Variants in TOMM70 observed in about 807,000 individuals in gnomAD.
The protein encoded by TOMM70 is mitochondrial import receptor subunit TOM70.
TOMM70 carries 13 observed loss-of-function variants against 73.6 expected under a neutral mutation model. The observed-to-expected ratio is 0.18, with a 90% CI of 0.11 to 0.28. TOMM70 has a LOEUF of 0.28. Among genes scored for constraint, TOMM70 ranks in the 10% least tolerant of loss-of-function variants. The probability of loss-of-function intolerance (pLI) is 1.00; values close to 1 mark genes in which losing one functional copy is unlikely to be tolerated. For missense variants in TOMM70, 609 were observed against 747.5 expected, an observed-to-expected ratio of 0.81 and a Z score of 2.16; for synonymous variants, 257 against 271.2, an observed-to-expected ratio of 0.95 and a Z score of 0.51.
chr3:100,378,232 G>A (rs1706588458), intron 5 of TOMM70, among the ~76,000 whole-genome samples: 1 of 151,176 alleles, frequency 6.6e-6, no homozygotes. Context: ...GACAGAGCAA[G>A]ACTCCATCTC....
At chr3:100,366,064 G>T (rs1033944672) in intron 11 of TOMM70, among the ~76,000 whole-genome samples, 5 of 152,140 alleles carry the variant, frequency 3.3e-5, no homozygotes. Context: ...TCACAATTCC[G>T]TCTGGTTCCT....
chr3:100,381,570 G>A lies in TOMM70; in HGVS notation c.884+45C>T, dbSNP rs770187623. 1.7e-5 allele frequency: 26 copies of A among 1,571,732 alleles called. 2 individuals carry two copies. In the South Asian group the frequency reaches 2.9e-4, roughly 17 times the overall value. ...ATATGGGCCCTAAGGAAAGTTCAAA[G>A]CACCCAAAACACCACTAAGTAGACA... On this transcript the variant is annotated intron_variant, in intron 5 of 11. Transcript: ENST00000284320.
chr3:100,365,556 C>A lies in TOMM70; in HGVS notation c.*8G>T. Reference sequence around the variant, plus strand: ...TTAAAAAGAGGGTCAGTCTGCTTTCCCCCTGTTTTATAATGTTGGTGGTTT... The same window carrying A: ...TTAAAAAGAGGGTCAGTCTGCTTTCACCCTGTTTTATAATGTTGGTGGTTT... On this transcript the variant is annotated 3_prime_UTR_variant, in exon 12 of 12. Coordinates refer to ENST00000284320, the MANE Select transcript of TOMM70 (RefSeq NM_014820.5). 1 of 1,614,066 alleles carries A rather than the reference C, an allele frequency of 6.2e-7. No individual in the cohort carries two copies. The highest frequency in any genetic ancestry group is 8.5e-7 in the Non-Finnish European group (1 of 1,179,964).
At chr3:100,393,101 G>A (rs769220202) in intron 1 of TOMM70, among the ~76,000 whole-genome samples, 5 of 151,626 alleles carry the variant, frequency 3.3e-5, no homozygotes, top group Non-Finnish European at 7.4e-5. Flanking sequence ...GCTTGAACCC[G>A]GGCAGCAGAG....
chr3:100,373,850 A>T, intron 7 of TOMM70: 1 of 416,818 alleles, frequency 2.4e-6, no homozygotes, highest in Non-Finnish European at 4.3e-6. Flanking sequence ...CAACTTATAG[A>T]AAGGACTACA....
intron 11 of TOMM70, among the ~76,000 whole-genome samples, chr3:100,367,431 T>C (rs1706457688): frequency 6.6e-6 from 1 of 152,184 alleles, no homozygotes; most frequent in South Asian, 2.1e-4. Flanking sequence ...ATCAGTGATA[T>C]ATGAGCTCAA....
chr3:100,387,343 T>C (rs1484052906), intron 1 of TOMM70, among the ~76,000 whole-genome samples: 1 of 151,866 alleles, frequency 6.6e-6, no homozygotes, highest in Non-Finnish European at 1.5e-5. Context: ...ACTACCCGGG[T>C]GGCTGAGGCA....
At position 100,372,727 on chromosome 3, in the gene TOMM70, A is replaced by G; in HGVS notation, c.1336-5T>C. ...TCCCGTATATGCCTGGCGGTACTAT[A>G]AAAAATCAAAACAGGCCTGTCAAAT... On this transcript the variant is annotated splice_region_variant and splice_polypyrimidine_tract_variant and intron_variant, in intron 8 of 11. Coordinates refer to ENST00000284320, the MANE Select transcript of TOMM70 (RefSeq NM_014820.5). 1 of 1,609,956 alleles carries G rather than the reference A, an allele frequency of 6.2e-7. No individual in the cohort carries two copies.
At chr3:100,382,921 T>C (rs1706647345) in intron 4 of TOMM70, among the ~76,000 whole-genome samples, 1 of 152,182 alleles carries the variant, frequency 6.6e-6, no homozygotes. Flanking sequence ...ATAGAAATAT[T>C]TGCCTTATTT....
At chr3:100,399,896 A>C (rs1431715504) in intron 1 of TOMM70, among the ~76,000 whole-genome samples, 1 of 152,054 alleles carries the variant, frequency 6.6e-6, no homozygotes, top group Non-Finnish European at 1.5e-5. Context: ...AGGGGTCCGG[A>C]GTGCAAAAGG....
chr3:100,388,777 G>A (rs1374975706), intron 1 of TOMM70, among the ~76,000 whole-genome samples: 1 of 152,056 alleles, frequency 6.6e-6, no homozygotes, highest in Non-Finnish European at 1.5e-5. Flanking sequence ...ATTAAAAGAG[G>A]TTGCTTTTAA....
At chr3:100,373,737 C>T in intron 7 of TOMM70, 92 bp from the exon 8 acceptor site, 1 of 761,762 alleles carries the variant, frequency 1.3e-6, no homozygotes, top group Non-Finnish European at 2.1e-6. Flanking sequence ...CAGCATAATG[C>T]TGAGCATGTA....
In TOMM70 at chr3:100,384,578, A is replaced by G. The variant is rs1424783490; in HGVS notation, c.636T>C (p.Ala212=). 2.5e-6 allele frequency: 4 copies of G among 1,588,412 alleles called. No homozygotes were observed. The highest frequency in any genetic ancestry group is 3.4e-6 in the Non-Finnish European group (4 of 1,170,700). Residue 212 remains alanine (A), a synonymous_variant, in exon 4 of 12, where the codon GCT becomes GCC. Transcript: ENST00000284320. ...NKKECLEDVT[A]VCILEGFQNQ... is the part of the protein sequence containing the mutation. ...TTTGGAACCCTTCTAATATACACACAGCAGTGACATCTAGAAATGATGAAA... is the reference window on the plus strand; with the variant it reads ...TTTGGAACCCTTCTAATATACACACGGCAGTGACATCTAGAAATGATGAAA...
chr3:100,379,020 A>G (rs1559832148), intron 5 of TOMM70, among the ~76,000 whole-genome samples: 1 of 151,904 alleles, frequency 6.6e-6, no homozygotes, highest in East Asian at 1.9e-4. Context: ...TAAATAAATA[A>G]ATAAATAAAT....
chr3:100,367,079 G>A (rs1000582698), intron 11 of TOMM70, among the ~76,000 whole-genome samples: 1 of 152,112 alleles, frequency 6.6e-6, no homozygotes, highest in Non-Finnish European at 1.5e-5. Flanking sequence ...AAGTTAGCTG[G>A]GCATGGTGGT....
chr3:100,400,876 C>G lies in TOMM70; in HGVS notation c.74G>C (p.Gly25Ala). 6.5e-7 allele frequency: 1 copy of G among 1,528,222 alleles called. No individual in the cohort carries two copies. The highest frequency in any genetic ancestry group is 8.7e-7 in the Non-Finnish European group (1 of 1,144,522). The allele number at this position is 1,528,222 out of a possible 1,614,324, so 94.7% of individuals were successfully genotyped here. ...CGTGCCCGGGCCCGCAGTCCCGCCG[C>G]CGCCCACCCCACTCCCGGAGCTCGG... Reference protein sequence around the residue: ...AVPSSGSGVGGGGTAGPGTGG... With the variant: ...AVPSSGSGVGAGGTAGPGTGG... The change falls in exon 1 of 12, where the codon GGC becomes GCC. Residue 25 changes from glycine to alanine, a missense_variant. Coordinates refer to ENST00000284320, the MANE Select transcript of TOMM70 (RefSeq NM_014820.5).
Position 100,368,175 on chromosome 3 carries a change from G to A in TOMM70, c.1551-9C>T. 6.2e-7 allele frequency: 1 copy of A among 1,606,616 alleles called. No homozygotes were observed. On this transcript the variant is annotated splice_polypyrimidine_tract_variant and intron_variant, in intron 10 of 11. Transcript: ENST00000284320. The stretch of plus-strand genomic sequence containing the variant: ...ACTGAAGTTGAAGTAAACTGCAAAT[G>A]CAAAAAAATGTCAGATGTGACCATG...
intron 1 of TOMM70, among the ~76,000 whole-genome samples, chr3:100,396,418 A>C (rs1045528615): frequency 6.6e-6 from 1 of 152,206 alleles, no homozygotes; most frequent in Non-Finnish European, 1.5e-5. Flanking sequence ...TGCATTTTTT[A>C]TCATCAGATT....
intron 1 of TOMM70, among the ~76,000 whole-genome samples, chr3:100,392,118 A>G (rs1475681405): frequency 6.6e-6 from 1 of 152,248 alleles, no homozygotes; most frequent in African/African-American, 2.4e-5. Context: ...GCCATATAGC[A>G]TAGGTGCGTA....
Sources: gnomAD v4.1 joint callset for allele counts (sites outside exome capture counted in the v4.1 genomes callset) on GRCh38, gnomAD v4.1.1 for gene constraint, MANE v1.5 for transcripts, NCBI Gene and HGNC (gene_info 2026-07-23, HGNC 2026-07-21) for gene names.